ANKRD28: variants seen among roughly 807,000 people sequenced by gnomAD.
ANKRD28 encodes the protein serine/threonine-protein phosphatase 6 regulatory ankyrin repeat subunit A.
Under a neutral mutation model 126.5 loss-of-function variants are expected in ANKRD28, and 44 were observed. The ratio of observed to expected loss-of-function variants is 0.35; its 90% CI spans 0.27 to 0.45. The LOEUF (loss-of-function observed/expected upper bound fraction) is 0.45, where lower values mean the gene tolerates loss of function less well. Ranked by LOEUF, ANKRD28 falls within the 20% of genes least tolerant of loss-of-function variation. The probability of loss-of-function intolerance (pLI) is 1.00; values close to 1 mark genes in which losing one functional copy is unlikely to be tolerated. For missense variants in ANKRD28, 1,110 were observed against 1,316.6 expected (o/e 0.84, Z 2.43); for synonymous variants, 442 against 468.5 (o/e 0.94, Z 0.73).
chr3:15,741,077 T>TC (rs2075426838), intron 4 of ANKRD28, among the ~76,000 whole-genome samples: 1 of 152,114 alleles, frequency 6.6e-6, no homozygotes, highest in Non-Finnish European at 1.5e-5. Context: ...CGGGCGCCTG[T>TC]AGTCCCAGCT....
At chr3:15,800,760 G>C (rs1284914143), upstream of ANKRD28, among the ~76,000 whole-genome samples, 1 of 152,030 alleles carries the variant, frequency 6.6e-6, no homozygotes, top group Non-Finnish European at 1.5e-5. Context: ...TTACAGTTTA[G>C]GGACTGTAAA....
intron 2 of ANKRD28, chr3:15,781,324 A>G (rs556566858): frequency 2.6e-5 from 4 of 152,092 alleles, no homozygotes; most frequent in Admixed American, 1.3e-4. Context: ...TCTGGAGGAG[A>G]CTGGCATGTG....
intron 14 of ANKRD28, among the ~76,000 whole-genome samples, chr3:15,702,627 C>T (rs984320213): frequency 2.6e-5 from 4 of 152,186 alleles, no homozygotes; most frequent in Admixed American, 2.0e-4. Context: ...TACTCTTACC[C>T]TACCACTCAT....
At chr3:15,749,121 T>A (rs1195808014) in intron 4 of ANKRD28, among the ~76,000 whole-genome samples, 4 of 121,310 alleles carry the variant, frequency 3.3e-5, no homozygotes, top group South Asian at 2.8e-4. Flanking sequence ...TTTTTTTTTT[T>A]GAGACGGAGT....
chr3:15,837,048 C>T (rs537057186), intron 1 of ANKRD28, among the ~76,000 whole-genome samples: 53 of 146,726 alleles, frequency 3.6e-4, no homozygotes, highest in South Asian at 1.1e-3. Context: ...TGCAGTGAGC[C>T]GAGGTCGCAC....
rs372742448 is a variant in ANKRD28 at position 15,670,388 on chromosome 3, A to C, written c.3134T>G (p.Leu1045Trp). ...NTSKTVSFEA[L>W]PIMRNEPSSY... The stretch of plus-strand genomic sequence containing the variant: ...GCTAGGTTCATTCCTCATGATGGGC[A>C]AAGCTTCAAAGCTGACTGTTTTTGA... Residue 1045 changes from leucine to tryptophan, a missense_variant, in exon 28 of 28, where the codon TTG (leucine) becomes TGG (tryptophan). Transcript: ENST00000683139. The C allele has an allele frequency of 5.0e-6, 8 of 1,613,876 alleles. No individual in the cohort carries two copies. Among genetic ancestry groups the C allele is most frequent in the Non-Finnish European group, 6.8e-6 (8 of 1,179,886 alleles).
upstream of ANKRD28, among the ~76,000 whole-genome samples, chr3:15,799,057 GTTATT>G (rs1274925929): frequency 2.6e-5 from 4 of 151,918 alleles, no homozygotes; most frequent in East Asian, 5.8e-4. Flanking sequence ...AAAGTTGTGT[GTTATT>G]TTAAACACAT....
At chr3:15,729,539 A>G (rs1315144157) in intron 6 of ANKRD28, among the ~76,000 whole-genome samples, 1 of 152,322 alleles carries the variant, frequency 6.6e-6, no homozygotes, top group African/African-American at 2.4e-5. Flanking sequence ...CTACTTCTTG[A>G]TATGTTCCAC....
intron 6 of ANKRD28, among the ~76,000 whole-genome samples, chr3:15,725,713 G>A (rs1328422866): frequency 1.3e-5 from 2 of 152,046 alleles, no homozygotes. Flanking sequence ...CATTCCTACT[G>A]TAATTGTTTT....
intron 1 of ANKRD28, among the ~76,000 whole-genome samples, chr3:15,836,974 C>A (rs1465527064): frequency 6.6e-6 from 1 of 151,876 alleles, no homozygotes; most frequent in African/African-American, 2.4e-5. Flanking sequence ...GTGGCGGGCG[C>A]CTGTAGTCCT....
At chr3:15,823,352 T>C (rs1431290200) in intron 1 of ANKRD28, among the ~76,000 whole-genome samples, 1 of 152,172 alleles carries the variant, frequency 6.6e-6, no homozygotes, top group Non-Finnish European at 1.5e-5. Flanking sequence ...CCGTGGACCA[T>C]CTGTGGCCTG....
intron 2 of ANKRD28, among the ~76,000 whole-genome samples, chr3:15,773,954 G>A (rs1288198931): frequency 6.6e-6 from 1 of 152,062 alleles, no homozygotes; most frequent in African/African-American, 2.4e-5. Context: ...AAGGGAGGGT[G>A]GTATGAGAAA....
chr3:15,823,272 G>A (rs2060984060), intron 1 of ANKRD28, among the ~76,000 whole-genome samples: 1 of 152,224 alleles, frequency 6.6e-6, no homozygotes, highest in South Asian at 2.1e-4. Flanking sequence ...TCTGACAGGA[G>A]GCAGAGCTCA....
intron 27 of ANKRD28, among the ~76,000 whole-genome samples, chr3:15,673,954 T>C (rs139488073): frequency 2.0e-3 from 310 of 151,750 alleles, no homozygotes; most frequent in African/African-American, 6.9e-3. Context: ...GGTGGGGGGA[T>C]TGCTTGAGGC....
chr3:15,672,810 C>G (rs1369225324), intron 27 of ANKRD28, among the ~76,000 whole-genome samples: 2 of 152,318 alleles, frequency 1.3e-5, no homozygotes, highest in Admixed American at 1.3e-4. Context: ...AAGTCTGGCT[C>G]TGTCACCCAG....
chr3:15,699,476 T>A (rs1262469098), intron 14 of ANKRD28, among the ~76,000 whole-genome samples: 1 of 151,922 alleles, frequency 6.6e-6, no homozygotes, highest in Non-Finnish European at 1.5e-5. Context: ...TGGGAGAAAA[T>A]TTTTGCAATC....
At chr3:15,857,625 A>C (rs926581300) in intron 1 of ANKRD28, among the ~76,000 whole-genome samples, 1 of 152,232 alleles carries the variant, frequency 6.6e-6, no homozygotes, top group African/African-American at 2.4e-5. Context: ...ACTGAAGATT[A>C]ATGGATATAC....
At chr3:15,800,363 T>G (rs145707327), upstream of ANKRD28, among the ~76,000 whole-genome samples, 161 of 152,244 alleles carry the variant, frequency 1.1e-3, no homozygotes, top group Non-Finnish European at 1.8e-3. Context: ...TTTAGTAACC[T>G]CTCTGTGCTC....
intron 2 of ANKRD28, among the ~76,000 whole-genome samples, chr3:15,771,661 A>G (rs978191329): frequency 1.3e-5 from 2 of 152,218 alleles, no homozygotes; most frequent in African/African-American, 4.8e-5. Context: ...CCATGATCCA[A>G]ACATTTCCCA....
Sources: allele counts gnomAD v4.1 joint callset (sites outside exome capture counted in the v4.1 genomes callset), GRCh38; gene constraint gnomAD v4.1.1; transcripts MANE v1.5; gene names NCBI Gene and HGNC (gene_info 2026-07-23, HGNC 2026-07-21).